TRPS1: variants seen among roughly 807,000 people sequenced by gnomAD.
TRPS1 encodes the protein zinc finger transcription factor Trps1.
TRPS1 carries 6 observed loss-of-function variants against 101.2 expected under a neutral mutation model. That is an observed-to-expected ratio of 0.06 (90% confidence interval 0.03 to 0.12). The LOEUF is 0.12. TRPS1 is among the 10% of genes least tolerant of loss of function. The probability of loss-of-function intolerance (pLI) is 1.00; values close to 1 mark genes in which losing one functional copy is unlikely to be tolerated. For synonymous variants in TRPS1, 578 were observed against 589.8 expected (o/e 0.98, Z 0.29); for missense variants, 1,363 against 1,567.0 (o/e 0.87, Z 2.20).
intron 1 of TRPS1, among the ~76,000 whole-genome samples, chr8:115,650,751 T>C (rs912166027): frequency 7.2e-5 from 11 of 152,244 alleles, no homozygotes; most frequent in African/African-American, 2.2e-4. Flanking sequence ...TATCACTTGA[T>C]TGGCTATCAC....
chr8:115,587,441 T>C lies in TRPS1; in HGVS notation c.2260A>G (p.Lys754Glu). Residue 754 changes from lysine to glutamate, a missense_variant, in exon 5 of 7, where the codon AAA becomes GAA. Physicochemically the swap from Lys to Glu is moderately conservative, Grantham distance 56 (BLOSUM62 1). This residue lies in a region of TRPS1 where 1,020 missense variants were observed against 1,073.0 expected (regional missense o/e 0.95). Coordinates refer to ENST00000395715, the MANE Select transcript of TRPS1 (RefSeq NM_014112.5). ...AGATTGTAGACCCTGAAGTCAATTT[T>C]GGGCTCCTCTTTGATGGTGGATATG... ...HAISTIKEEP[K>E]IDFRVYNLLT... 6.2e-7 allele frequency: 1 copy of C among 1,614,220 alleles called. No individual in the cohort carries two copies. Among genetic ancestry groups the C allele is most frequent in the Non-Finnish European group, 8.5e-7 (1 of 1,180,018 alleles).
At chr8:115,615,536 G>A (rs1035125528) in intron 3 of TRPS1, among the ~76,000 whole-genome samples, 5 of 152,118 alleles carry the variant, frequency 3.3e-5, no homozygotes, top group Non-Finnish European at 5.9e-5. Flanking sequence ...TTGGGAGGCC[G>A]AGGCGGGTGG....
chr8:115,483,254 T>C (rs1431589442), intron 5 of TRPS1, among the ~76,000 whole-genome samples: 1 of 152,128 alleles, frequency 6.6e-6, no homozygotes, highest in Admixed American at 6.6e-5. Flanking sequence ...AATTCTAGGC[T>C]GAGCACGGTG....
At chr8:115,623,541 T>C (rs1818443206) in intron 2 of TRPS1, 60 bp downstream of exon 2, 10 of 1,580,016 alleles carry the variant, frequency 6.3e-6, no homozygotes, top group Non-Finnish European at 8.7e-6. Flanking sequence ...GCACGATGTT[T>C]TACTGTGTGC....
At chr8:115,634,865 TAA>T (rs759918682) in intron 1 of TRPS1, among the ~76,000 whole-genome samples, 95 of 140,840 alleles carry the variant, frequency 6.7e-4, no homozygotes, top group Non-Finnish European at 5.6e-4. Context: ...CTTCTTAGGT[TAA>T]AAAAAAAAAA....
chr8:115,637,221 C>T (rs1818790280), intron 1 of TRPS1: 1 of 982,588 alleles, frequency 1.0e-6, no homozygotes, highest in South Asian at 4.7e-5. Context: ...TAGGTTTAAA[C>T]CAAATGGCTC....
chr8:115,431,254 T>C (rs1379773408), intron 5 of TRPS1, among the ~76,000 whole-genome samples: 5 of 152,050 alleles, frequency 3.3e-5, no homozygotes, highest in African/African-American at 4.8e-5. Flanking sequence ...TTTAAAGATA[T>C]TGAAAACTGA....
chr8:115,502,704 A>T (rs1815347314), intron 5 of TRPS1, among the ~76,000 whole-genome samples: 1 of 152,208 alleles, frequency 6.6e-6, no homozygotes, highest in Non-Finnish European at 1.5e-5. Context: ...AACTGTTAAA[A>T]ATAGCCAGCC....
intron 5 of TRPS1, among the ~76,000 whole-genome samples, chr8:115,528,238 A>G (rs1489173666): frequency 6.6e-6 from 1 of 152,104 alleles, no homozygotes; most frequent in East Asian, 1.9e-4. Context: ...AAAAGTTGTT[A>G]CACTCCCCTT....
intron 1 of TRPS1, among the ~76,000 whole-genome samples, chr8:115,635,367 G>A (rs1818744738): frequency 6.6e-6 from 1 of 152,050 alleles, no homozygotes; most frequent in Admixed American, 6.6e-5. Flanking sequence ...CTATTTTTGG[G>A]CAAATATTGC....
At chr8:115,430,933 A>AAAACTG (rs1479317520) in intron 5 of TRPS1, among the ~76,000 whole-genome samples, 1 of 152,050 alleles carries the variant, frequency 6.6e-6, no homozygotes, top group Non-Finnish European at 1.5e-5. Context: ...TTTTATATTA[A>AAAACTG]AAAACTGAAA....
intron 5 of TRPS1, among the ~76,000 whole-genome samples, chr8:115,579,740 A>C: frequency 6.6e-6 from 1 of 152,084 alleles, no homozygotes; most frequent in East Asian, 1.9e-4. Context: ...CCATGGTAGA[A>C]AATGGTTTAT....
At chr8:115,610,488 T>C (rs910158406) in intron 3 of TRPS1, among the ~76,000 whole-genome samples, 2 of 152,164 alleles carry the variant, frequency 1.3e-5, no homozygotes, top group African/African-American at 4.8e-5. Flanking sequence ...TTATATGGCA[T>C]CATCTGACTC....
chr8:115,446,240 A>T (rs1281880126), intron 5 of TRPS1, among the ~76,000 whole-genome samples: 1 of 152,014 alleles, frequency 6.6e-6, no homozygotes, highest in African/African-American at 2.4e-5. Flanking sequence ...TTGAAACATC[A>T]TCTACATAAA....
At chr8:115,518,091 C>T (rs1815764713) in intron 5 of TRPS1, among the ~76,000 whole-genome samples, 1 of 600 alleles carries the variant, frequency 1.7e-3, no homozygotes, top group Non-Finnish European at 3.7e-3. Context: ...CAGCACTACA[C>T]AATTCTGGTA....
At chr8:115,416,697 C>T (rs800904) in intron 6 of TRPS1, among the ~76,000 whole-genome samples, 86,659 of 151,504 alleles carry the variant, frequency 0.57, 26,125 homozygotes, top group African/African-American at 0.78. Context: ...ACTATAAATC[C>T]TTTTTGGAAC....
chr8:115,565,247 T>C (rs942794014), intron 5 of TRPS1, among the ~76,000 whole-genome samples: 2 of 152,092 alleles, frequency 1.3e-5, no homozygotes, highest in Admixed American at 1.3e-4. Flanking sequence ...TTTTTAAGTT[T>C]AGAAGGCCCT....
chr8:115,478,643 A>C (rs2130051542), intron 5 of TRPS1, among the ~76,000 whole-genome samples: 1 of 151,968 alleles, frequency 6.6e-6, no homozygotes, highest in Non-Finnish European at 1.5e-5. Flanking sequence ...ATCTGTCCTA[A>C]AAATACAAAA....
At chr8:115,447,364 A>AT (rs1232815978) in intron 5 of TRPS1, among the ~76,000 whole-genome samples, 1 of 152,208 alleles carries the variant, frequency 6.6e-6, no homozygotes, top group Non-Finnish European at 1.5e-5. Flanking sequence ...ATTCAGACAG[A>AT]TTTTCCACCT....
Sources: gnomAD v4.1 joint callset for allele counts (sites outside exome capture counted in the v4.1 genomes callset) on GRCh38, gnomAD v4.1.1 for gene constraint, gnomAD v4.1.1 regional missense constraint, MANE v1.5 for transcripts, NCBI Gene and HGNC (gene_info 2026-07-23, HGNC 2026-07-21) for gene names.